The following ARFGEF1 variants were observed in gnomAD, a reference collection of about 807,000 sequenced individuals.
The protein encoded by ARFGEF1 is brefeldin A-inhibited guanine nucleotide-exchange protein 1.
A neutral mutation model predicts 231.0 loss-of-function variants in ARFGEF1; 42 were observed. The ratio of observed to expected loss-of-function variants is 0.18; its 90% CI spans 0.14 to 0.24. ARFGEF1 has a LOEUF of 0.24. ARFGEF1 is among the 10% of genes least tolerant of loss of function. The probability of loss-of-function intolerance (pLI) is 1.00; values close to 1 mark genes in which losing one functional copy is unlikely to be tolerated. For synonymous variants in ARFGEF1, 710 were observed against 732.3 expected (o/e 0.97, Z 0.49); for missense variants, 1,345 against 2,192.0 (o/e 0.61, Z 7.72).
chr8:67,304,268 A>G (rs2128917418), intron 1 of ARFGEF1, among the ~76,000 whole-genome samples: 1 of 152,342 alleles, frequency 6.6e-6, no homozygotes, highest in Admixed American at 6.5e-5. Flanking sequence ...CAACTTATTC[A>G]TACAATACAT....
At chr8:67,220,346 A>G (rs1034634320) in intron 29 of ARFGEF1, among the ~76,000 whole-genome samples, 4 of 152,238 alleles carry the variant, frequency 2.6e-5, no homozygotes, top group African/African-American at 4.8e-5. Flanking sequence ...GAAATGGCTT[A>G]TATTTCCAAA....
Position 67,267,216 on chromosome 8 carries a change from C to T in ARFGEF1, c.1687G>A (p.Val563Met). 2 of 1,612,888 alleles carry T rather than the reference C, an allele frequency of 1.2e-6. No homozygotes were observed. The highest frequency in any genetic ancestry group is 1.7e-6 in the Non-Finnish European group (2 of 1,179,474). ...CAGTCATAGTTTACATAAATATCCACTACACTCTGAGCATCTGTAACAATA... is the reference window on the plus strand; with the variant it reads ...CAGTCATAGTTTACATAAATATCCATTACACTCTGAGCATCTGTAACAATA... ...TRICADAQSV[V>M]DIYVNYDCDL... is the part of the protein sequence containing the mutation. The change falls in exon 12 of 39, where the codon GTG (valine) becomes ATG (methionine). Residue 563 changes from valine to methionine, a missense_variant. Around this residue, in one of 14 missense-constraint regions of ARFGEF1, gnomAD observed 141 missense variants for 259.9 expected, o/e 0.54. Coordinates refer to ENST00000262215, the MANE Select transcript of ARFGEF1 (RefSeq NM_006421.5).
intron 1 of ARFGEF1, among the ~76,000 whole-genome samples, chr8:67,336,946 C>T (rs1469499224): frequency 2.6e-5 from 4 of 151,612 alleles, no homozygotes; most frequent in Non-Finnish European, 4.4e-5. Flanking sequence ...CTGGCTAACA[C>T]GGTGAAACCC....
At chr8:67,259,948 C>T (rs1277327953) in intron 14 of ARFGEF1, 22 bp from the exon 15 acceptor site, 2 of 1,499,052 alleles carry the variant, frequency 1.3e-6, no homozygotes, top group Non-Finnish European at 9.1e-7. Flanking sequence ...TAAATAAGAA[C>T]ATTAAAAATA....
intron 36 of ARFGEF1, 158 bp from the exon 37 acceptor site, chr8:67,201,763 TC>T: frequency 1.1e-6 from 1 of 942,798 alleles, no homozygotes; most frequent in Non-Finnish European, 1.6e-6. Flanking sequence ...GATTTCCATG[TC>T]CAGAATTCCC....
rs750813318 is a variant in ARFGEF1 at position 67,224,930 on chromosome 8, T to C, written c.4181A>G (p.Asn1394Ser). Residue 1394 changes from asparagine to serine, a missense_variant, in exon 29 of 39, where the codon AAT becomes AGT. By Grantham distance (46) the Asn-to-Ser change is conservative. This residue lies in a region of ARFGEF1 where 142 missense variants were observed against 227.3 expected (regional missense o/e 0.62). Transcript: ENST00000262215. ...PILFELSCII[N>S]RCKLDVRTRG... Reference sequence around the variant, plus strand: ...GGTTCTTACATCTAATTTGCATCTATTGATGATACAGGATAACTCAAAGAG... The same window carrying C: ...GGTTCTTACATCTAATTTGCATCTACTGATGATACAGGATAACTCAAAGAG... The C allele has an allele frequency of 6.3e-6, 10 of 1,580,526 alleles. No individual in the cohort carries two copies. Among genetic ancestry groups the C allele is most frequent in the African/African-American group, 2.7e-5 (2 of 74,022 alleles).
At chr8:67,337,126 C>G (rs1245920689) in intron 1 of ARFGEF1, among the ~76,000 whole-genome samples, 1 of 54,928 alleles carries the variant, frequency 1.8e-5, no homozygotes, top group Admixed American at 2.3e-4. Context: ...GTGACGCCGT[C>G]TCAAAAAAAA....
Position 67,322,931 on chromosome 8 carries a change from G to A in ARFGEF1, c.124+20233C>T, listed in dbSNP as rs777726698. ...CATTCATCAGGCTTAGAATAAAATCGGGAACAAATATATACTTAAATGTTT... is the reference window on the plus strand; with the variant it reads ...CATTCATCAGGCTTAGAATAAAATCAGGAACAAATATATACTTAAATGTTT... On this transcript the variant is annotated intron_variant, in intron 1 of 38. Coordinates refer to ENST00000262215, the MANE Select transcript of ARFGEF1 (RefSeq NM_006421.5). Among the ~76,000 whole-genome samples, 13 of 152,036 alleles carry A rather than the reference G, an allele frequency of 8.6e-5. 1 individual carries two copies. Among genetic ancestry groups the A allele is most frequent in the South Asian group, 8.3e-4 (4 of 4,810 alleles).
rs1385540449 is a variant in ARFGEF1 at position 67,234,777 on chromosome 8, A to T, written c.3290-1832T>A. ...ACAACACTGATAATATCTGGAGAAC[A>T]TACTGAAATAGGAAAAAATATTGAA... On this transcript the variant is annotated intron_variant, in intron 22 of 38. Coordinates refer to ENST00000262215, the MANE Select transcript of ARFGEF1 (RefSeq NM_006421.5). 2.0e-5 allele frequency among the ~76,000 whole-genome samples: 3 copies of T among 152,292 alleles called. No individual in the cohort carries two copies. The East Asian group carries it at 5.8e-4, about 29-fold the overall frequency.
chr8:67,280,025 G>A (rs1411729284), intron 7 of ARFGEF1, among the ~76,000 whole-genome samples: 1 of 152,084 alleles, frequency 6.6e-6, no homozygotes, highest in Non-Finnish European at 1.5e-5. Context: ...TACTTTTAAT[G>A]ATGCTGATAA....
intron 23 of ARFGEF1, among the ~76,000 whole-genome samples, chr8:67,228,630 G>C (rs1425450083): frequency 6.6e-6 from 1 of 151,976 alleles, no homozygotes; most frequent in Non-Finnish European, 1.5e-5. Flanking sequence ...TTATTGTCTA[G>C]CATTAAGCAA....
chr8:67,177,009 T>G (rs1831832858), intron 5 of ARFGEF1, among the ~76,000 whole-genome samples: 1 of 143,980 alleles, frequency 6.9e-6, no homozygotes, highest in African/African-American at 2.6e-5. Context: ...AGGTGGAGGT[T>G]GCAGAGAGCC....
chr8:67,222,162 T>G (rs1021613575), intron 29 of ARFGEF1, among the ~76,000 whole-genome samples: 2 of 133,834 alleles, frequency 1.5e-5, no homozygotes, highest in African/African-American at 6.2e-5. Context: ...ACCTTTTCCA[T>G]GCATATATAT....
chr8:67,265,246 A>G (rs978919833), intron 14 of ARFGEF1, among the ~76,000 whole-genome samples: 1 of 152,194 alleles, frequency 6.6e-6, no homozygotes, highest in African/African-American at 2.4e-5. Context: ...TGGAGAAAAA[A>G]GACACCTGAA....
intron 1 of ARFGEF1, among the ~76,000 whole-genome samples, chr8:67,340,550 T>C (rs929116753): frequency 2.6e-5 from 4 of 152,230 alleles, no homozygotes; most frequent in East Asian, 3.8e-4. Flanking sequence ...CTGCAAAATA[T>C]ACTTTCTGCA....
chr8:67,289,202 C>A (rs998213972), intron 6 of ARFGEF1, among the ~76,000 whole-genome samples: 1 of 152,106 alleles, frequency 6.6e-6, no homozygotes, highest in Admixed American at 6.5e-5. Context: ...GGGCATCAGA[C>A]AGCATATTAG....
intron 1 of ARFGEF1, among the ~76,000 whole-genome samples, chr8:67,342,359 C>G (rs575855904): frequency 6.6e-6 from 1 of 152,206 alleles, no homozygotes; most frequent in Non-Finnish European, 1.5e-5. Flanking sequence ...TCTCTTCCAT[C>G]TGAACTATAA....
intron 1 of ARFGEF1, 86 bp from the exon 2 acceptor site, chr8:67,302,552 G>A: frequency 1.1e-6 from 1 of 931,748 alleles, no homozygotes; most frequent in Non-Finnish European, 1.6e-6. Context: ...AACTCATTTG[G>A]AACTTCTACA....
chr8:67,236,402 A>G (rs1316134132), intron 22 of ARFGEF1, among the ~76,000 whole-genome samples: 2 of 109,810 alleles, frequency 1.8e-5, no homozygotes, highest in African/African-American at 6.8e-5. Flanking sequence ...ATATATATAT[A>G]TATATATATG....
Sources: gnomAD v4.1 joint callset for allele counts (sites outside exome capture counted in the v4.1 genomes callset) on GRCh38, gnomAD v4.1.1 for gene constraint, gnomAD v4.1.1 regional missense constraint, MANE v1.5 for transcripts, NCBI Gene and HGNC (gene_info 2026-07-23, HGNC 2026-07-21) for gene names.